Variants in EPC1 observed in about 807,000 individuals in gnomAD.
EPC1 encodes enhancer of polycomb 1, also known as enhancer of polycomb homolog 1.
A neutral mutation model predicts 98.4 loss-of-function variants in EPC1; 12 were observed. The ratio of observed to expected loss-of-function variants is 0.12; its 90% CI spans 0.08 to 0.20. The LOEUF is 0.20. Among genes scored for constraint, EPC1 ranks in the 10% least tolerant of loss-of-function variants. EPC1 has a pLI of 1.00. For synonymous variants in EPC1, 357 were observed against 363.9 expected (o/e 0.98, Z 0.21); for missense variants, 729 against 990.5 (o/e 0.74, Z 3.54).
At chr10:32,332,478 C>G (rs566042714) in intron 1 of EPC1, among the ~76,000 whole-genome samples, 1 of 152,298 alleles carries the variant, frequency 6.6e-6, no homozygotes, top group South Asian at 2.1e-4. Flanking sequence ...GATAGTACGT[C>G]ACTTCTAAGA....
rs181493646 is a variant in EPC1, at chr10:32,288,906, G to A, written c.976-1632C>T. ...AGATTGAGACCATCCTGGCTAACAC[G>A]ATGAAACCCTGTCTCTACTAAAAAT... On this transcript the variant is annotated intron_variant, in intron 6 of 13. Coordinates refer to ENST00000319778, the MANE Select transcript of EPC1 (RefSeq NM_001272004.3). Among the ~76,000 whole-genome samples, 1,067 of 152,056 alleles carry A rather than the reference G, an allele frequency of 7.0e-3. 9 individuals carry two copies. Among genetic ancestry groups the A allele is most frequent in the African/African-American group, 0.023 (938 of 41,490 alleles).
chr10:32,280,176 T>C (rs1836327206), intron 10 of EPC1, among the ~76,000 whole-genome samples: 1 of 152,168 alleles, frequency 6.6e-6, no homozygotes, highest in Admixed American at 6.5e-5. Context: ...TTATCTTCAT[T>C]TAGAATTTCC....
intron 1 of EPC1, among the ~76,000 whole-genome samples, chr10:32,312,926 T>C (rs1036723845): frequency 3.3e-5 from 5 of 152,224 alleles, no homozygotes; most frequent in African/African-American, 1.2e-4. Flanking sequence ...AGATATCTAA[T>C]GACTTGACTA....
At chr10:32,352,560 T>G (rs942218024) in intron 1 of EPC1, among the ~76,000 whole-genome samples, 22 of 152,100 alleles carry the variant, frequency 1.4e-4, no homozygotes, top group African/African-American at 5.3e-4. Context: ...CATGAAACAT[T>G]GACTACTTAA....
At chr10:32,347,589 G>A (rs115580112), upstream of EPC1, 7,788 of 152,040 alleles carry the variant, frequency 0.051, 633 homozygotes, top group African/African-American at 0.17. Context: ...GGACCTCTGG[G>A]GTGCTCGCCA....
At chr10:32,365,602 CAGGAGTTCCAGACCAGCCTGGCCA>C (rs1839576365) in intron 1 of EPC1, among the ~76,000 whole-genome samples, 1 of 151,958 alleles carries the variant, frequency 6.6e-6, no homozygotes, top group Admixed American at 6.6e-5. Context: ...CATTTGAGGT[CAGGAGTTCCAGACCAGCCTGGCCA>C]ACATGGTGAA....
intron 13 of EPC1, among the ~76,000 whole-genome samples, chr10:32,270,669 G>T (rs1835795102): frequency 6.6e-6 from 1 of 151,648 alleles, no homozygotes; most frequent in Admixed American, 6.6e-5. Context: ...TGCTAAAAAT[G>T]CAAAAATTAG....
At chr10:32,361,527 T>C (rs888631253) in intron 1 of EPC1, among the ~76,000 whole-genome samples, 1 of 152,218 alleles carries the variant, frequency 6.6e-6, no homozygotes, top group Admixed American at 6.5e-5. Flanking sequence ...GTTTACTGTT[T>C]TCTCTTCTTT....
At chr10:32,302,727 T>C (rs931405783) in intron 2 of EPC1, among the ~76,000 whole-genome samples, 6 of 151,436 alleles carry the variant, frequency 4.0e-5, no homozygotes, top group Non-Finnish European at 8.8e-5. Flanking sequence ...ATGTACAGAC[T>C]GGCAAATAAA....
At chr10:32,302,474 C>G (rs1835614828) in intron 2 of EPC1, among the ~76,000 whole-genome samples, 1 of 151,374 alleles carries the variant, frequency 6.6e-6, no homozygotes, top group African/African-American at 2.4e-5. Flanking sequence ...TTGGGGAGAC[C>G]CCATCTCTAC....
chr10:32,288,751 C>T (rs1004458822), intron 6 of EPC1, among the ~76,000 whole-genome samples: 1 of 151,404 alleles, frequency 6.6e-6, no homozygotes, highest in African/African-American at 2.4e-5. Flanking sequence ...TAAAGTAGTC[C>T]ACAAAATCAT....
At chr10:32,320,658 G>C (rs1345800372) in intron 1 of EPC1, among the ~76,000 whole-genome samples, 1 of 151,884 alleles carries the variant, frequency 6.6e-6, no homozygotes, top group Non-Finnish European at 1.5e-5. Context: ...GCAGTGGTGT[G>C]ATCTCAGCTC....
chr10:32,275,293 ACTT>A (rs1197944654), intron 10 of EPC1, among the ~76,000 whole-genome samples: 1 of 152,250 alleles, frequency 6.6e-6, no homozygotes, highest in Non-Finnish European at 1.5e-5. Context: ...TGTGAATTTC[ACTT>A]CTTAACAACT....
chr10:32,328,537 G>C (rs1461363383), intron 1 of EPC1, among the ~76,000 whole-genome samples: 2 of 152,110 alleles, frequency 1.3e-5, no homozygotes, highest in Non-Finnish European at 2.9e-5. Context: ...TCCCAATGAG[G>C]GCATATTTTC....
rs572494387 is a variant in EPC1, at chr10:32,293,212, ATG to A, written c.460-20_460-19del. The A allele has an allele frequency of 1.9e-5, 30 of 1,582,748 alleles. No individual in the cohort carries two copies. The African/African-American group carries it at 3.1e-4, about 16-fold the overall frequency. On this transcript the variant is annotated intron_variant, in intron 3 of 13. Transcript: ENST00000319778. ...CTGACTGGCTAAATGTAAAACCATTATGTCATTTTCATACAATACACATACAA... is the reference window on the plus strand; with the variant it reads ...CTGACTGGCTAAATGTAAAACCATTATCATTTTCATACAATACACATACAA...
At position 32,268,968 on chromosome 10, in the gene EPC1, CG is replaced by C; in HGVS notation, c.*94del. ...CAAGTCCCCACAGCTGCCACAGAAA[CG>C]CATGTGCTGCTTTCCATCATCCCTT... On this transcript the variant is annotated 3_prime_UTR_variant, in exon 14 of 14. Coordinates refer to ENST00000319778, the MANE Select transcript of EPC1 (RefSeq NM_001272004.3). 1 of 1,034,924 alleles carries C rather than the reference CG, an allele frequency of 9.7e-7. No individual in the cohort carries two copies. The highest frequency in any genetic ancestry group is 1.5e-6 in the Non-Finnish European group (1 of 674,940). The allele number at this position is 1,034,924 out of a possible 1,614,324, so 64.1% of individuals were successfully genotyped here. A position where few individuals can be genotyped will look rare whatever the true frequency, so the allele number is the denominator to read the frequency against.
chr10:32,328,377 G>A (rs1837429507), intron 1 of EPC1, among the ~76,000 whole-genome samples: 1 of 152,232 alleles, frequency 6.6e-6, no homozygotes, highest in African/African-American at 2.4e-5. Context: ...ACTGGCATAT[G>A]AGCTGAATGG....
At chr10:32,276,615 A>C (rs984600761) in intron 10 of EPC1, among the ~76,000 whole-genome samples, 2 of 152,238 alleles carry the variant, frequency 1.3e-5, no homozygotes. Context: ...TCTTCTGAGA[A>C]ATAAAGTTCA....
At chr10:32,373,302 G>C (rs1414709257) in intron 1 of EPC1, among the ~76,000 whole-genome samples, 1 of 152,150 alleles carries the variant, frequency 6.6e-6, no homozygotes, top group Non-Finnish European at 1.5e-5. Context: ...CTGCAGGCTG[G>C]AACATAGTAA....
Sources: allele counts gnomAD v4.1 joint callset (sites outside exome capture counted in the v4.1 genomes callset), GRCh38; gene constraint gnomAD v4.1.1; transcripts MANE v1.5; gene names NCBI Gene and HGNC (gene_info 2026-07-23, HGNC 2026-07-21).